The following IGF1R variants were observed in gnomAD, a reference collection of about 807,000 sequenced individuals.
IGF1R encodes insulin-like growth factor 1 receptor.
In IGF1R, 44 loss-of-function variants were observed where a neutral mutation model predicts 144.6. The ratio of observed to expected loss-of-function variants is 0.30; its 90% CI spans 0.24 to 0.39. The LOEUF (loss-of-function observed/expected upper bound fraction) is 0.39, where lower values mean the gene tolerates loss of function less well. Ranked by LOEUF, IGF1R falls within the 10% of genes least tolerant of loss-of-function variation. The pLI, the probability that IGF1R is intolerant of heterozygous loss-of-function variation, is 1.00. For synonymous variants in IGF1R, 795 were observed against 722.8 expected, an observed-to-expected ratio of 1.10 and a Z score of -1.60; for missense variants, 1,355 against 1,833.7, an observed-to-expected ratio of 0.74 and a Z score of 4.77.
intron 2 of IGF1R, among the ~76,000 whole-genome samples, chr15:98,791,747 A>T (rs973645505): frequency 6.6e-6 from 1 of 152,240 alleles, no homozygotes; most frequent in African/African-American, 2.4e-5. Context: ...TCACAGGTAA[A>T]TGTGACGTAG....
intron 1 of IGF1R, among the ~76,000 whole-genome samples, chr15:98,670,125 C>T (rs1366447441): frequency 3.1e-4 from 47 of 152,072 alleles, no homozygotes; most frequent in Admixed American, 3.0e-3. Flanking sequence ...AAATGCAGCC[C>T]CTGTTTTAAA....
intron 2 of IGF1R, among the ~76,000 whole-genome samples, chr15:98,864,743 A>G (rs781137289): frequency 6.6e-6 from 1 of 152,204 alleles, no homozygotes; most frequent in Non-Finnish European, 1.5e-5. Context: ...GTATTCTTTG[A>G]TTTTACTCTA....
chr15:98,769,502 A>G (rs1237411413), intron 2 of IGF1R, among the ~76,000 whole-genome samples: 1 of 152,212 alleles, frequency 6.6e-6, no homozygotes, highest in Non-Finnish European at 1.5e-5. Flanking sequence ...AGGTGAGGAA[A>G]GGAAAGAAGA....
chr15:98,772,357 T>C (rs2055606290), intron 2 of IGF1R, among the ~76,000 whole-genome samples: 1 of 151,884 alleles, frequency 6.6e-6, no homozygotes, highest in Non-Finnish European at 1.5e-5. Context: ...TCAAATTGAG[T>C]TCTCATAGTG....
chr15:98,925,884 C>T (rs1299007612), intron 13 of IGF1R, among the ~76,000 whole-genome samples: 1 of 151,966 alleles, frequency 6.6e-6, no homozygotes, highest in African/African-American at 2.4e-5. Context: ...GCCTGGGTGA[C>T]AGAGCAGAAC....
chr15:98,793,991 C>T (rs1769734620), intron 2 of IGF1R, among the ~76,000 whole-genome samples: 1 of 152,164 alleles, frequency 6.6e-6, no homozygotes, highest in Admixed American at 6.5e-5. Context: ...GCAGGGGGCA[C>T]AGTGGCGAAG....
At chr15:98,752,568 A>G (rs1448583289) in intron 2 of IGF1R, among the ~76,000 whole-genome samples, 4 of 152,084 alleles carry the variant, frequency 2.6e-5, no homozygotes, top group Non-Finnish European at 5.9e-5. Flanking sequence ...CTGTAATCCC[A>G]GCTACTCTGG....
rs45598332 is a variant in IGF1R, at chr15:98,916,091, T to G, written c.1956T>G (p.Pro652=). The change falls in exon 9 of 21, where the codon CCT becomes CCG. Residue 652 remains proline (P), a synonymous_variant. Coordinates refer to ENST00000650285, the MANE Select transcript of IGF1R (RefSeq NM_000875.5). ...SYYIVRWQRQ[P]QDGYLYRHNY... is the part of the protein sequence containing the mutation. Reference sequence around the variant, plus strand: ...ACATTGTGCGCTGGCAGCGGCAGCCTCAGGACGGCTACCTTTACCGGCACA... The same window carrying G: ...ACATTGTGCGCTGGCAGCGGCAGCCGCAGGACGGCTACCTTTACCGGCACA... 240 of 1,614,150 alleles carry G rather than the reference T, an allele frequency of 1.5e-4. 1 individual carries two copies. The African/African-American group carries it at 3.0e-3, about 20-fold the overall frequency.
intron 2 of IGF1R, among the ~76,000 whole-genome samples, chr15:98,788,538 G>A (rs1034716633): frequency 2.6e-5 from 4 of 152,186 alleles, no homozygotes; most frequent in East Asian, 1.9e-4. Flanking sequence ...AATTTTTAAG[G>A]CATTTGTTTG....
rs1482389173 is a variant in IGF1R at position 98,959,302 on chromosome 15, C to T, written c.*1860C>T. The T allele has an allele frequency of 4.3e-6, 1 of 233,608 alleles. No homozygotes were observed. The highest frequency in any genetic ancestry group is 8.5e-6 in the Non-Finnish European group (1 of 117,968). The allele number at this position is 233,608 out of a possible 1,614,324, so 14.5% of individuals were successfully genotyped here. A position where few individuals can be genotyped will look rare whatever the true frequency, so the allele number is the denominator to read the frequency against. On this transcript the variant is annotated 3_prime_UTR_variant, in exon 21 of 21. Coordinates refer to ENST00000650285, the MANE Select transcript of IGF1R (RefSeq NM_000875.5). ...ATGGCTATTTAATCCTTCCATCCCA[C>T]GAAAAACAGCTGCTGAGTCCAAGGG...
rs1165396713 is a variant in IGF1R at position 98,958,916 on chromosome 15, A to T, written c.*1474A>T. On this transcript the variant is annotated 3_prime_UTR_variant, in exon 21 of 21. Transcript: ENST00000650285. ...ATGCCTTTTTATAAATACATCCCCC[A>T]TCCCTGCTCCCACCTGCCCCTTTAG... 6 of 233,338 alleles carry T rather than the reference A, an allele frequency of 2.6e-5. No individual in the cohort carries two copies. Among genetic ancestry groups the T allele is most frequent in the South Asian group, 3.6e-4 (2 of 5,522 alleles). 14.5% of individuals were successfully genotyped at this position (233,338 alleles called of 1,614,324 possible). A position where few individuals can be genotyped will look rare whatever the true frequency, so the allele number is the denominator to read the frequency against.
chr15:98,833,292 C>G (rs1177771973), intron 2 of IGF1R, among the ~76,000 whole-genome samples: 1 of 152,338 alleles, frequency 6.6e-6, no homozygotes, highest in Non-Finnish European at 1.5e-5. Flanking sequence ...ATTGATGGCT[C>G]TCAGTATTCT....
At chr15:98,752,708 TGA>T (rs2055043896) in intron 2 of IGF1R, among the ~76,000 whole-genome samples, 2 of 151,712 alleles carry the variant, frequency 1.3e-5, no homozygotes, top group East Asian at 3.9e-4. Context: ...AGAAAGTATG[TGA>T]GCCTTATCCC....
chr15:98,687,176 C>T (rs2053349937), intron 1 of IGF1R, among the ~76,000 whole-genome samples: 2 of 152,190 alleles, frequency 1.3e-5, no homozygotes, highest in South Asian at 4.1e-4. Context: ...GCTGGTTTGG[C>T]CCTTGTGAAG....
intron 6 of IGF1R, among the ~76,000 whole-genome samples, chr15:98,909,912 C>G (rs1411622989): frequency 1.3e-5 from 2 of 152,158 alleles, no homozygotes; most frequent in African/African-American, 4.8e-5. Flanking sequence ...GCGTGGCTCT[C>G]TGGCTGGATA....
intron 2 of IGF1R, among the ~76,000 whole-genome samples, chr15:98,819,768 G>A (rs568088964): frequency 5.3e-5 from 8 of 152,248 alleles, no homozygotes; most frequent in South Asian, 2.1e-4. Context: ...CTTAATATGC[G>A]TTAACGTACT....
At chr15:98,841,484 T>G (rs1306694370) in intron 2 of IGF1R, among the ~76,000 whole-genome samples, 1 of 152,152 alleles carries the variant, frequency 6.6e-6, no homozygotes, top group Non-Finnish European at 1.5e-5. Context: ...GAGAGAGAGT[T>G]AGTTTCCAGC....
intron 2 of IGF1R, among the ~76,000 whole-genome samples, chr15:98,797,206 C>T (rs1428468427): frequency 6.6e-6 from 1 of 152,188 alleles, no homozygotes; most frequent in African/African-American, 2.4e-5. Flanking sequence ...TTAAGGAAGT[C>T]ACCTGATGTC....
At chr15:98,657,748 A>G (rs1026680435) in intron 1 of IGF1R, among the ~76,000 whole-genome samples, 1 of 152,210 alleles carries the variant, frequency 6.6e-6, no homozygotes. Flanking sequence ...TCTTTCTCAC[A>G]TGCACCTCAG....
Sources: gnomAD v4.1 joint callset for allele counts (sites outside exome capture counted in the v4.1 genomes callset) on GRCh38, gnomAD v4.1.1 for gene constraint, MANE v1.5 for transcripts, NCBI Gene and HGNC (gene_info 2026-07-23, HGNC 2026-07-21) for gene names.